PATZ1: variants seen among roughly 807,000 people sequenced by gnomAD.
The protein encoded by PATZ1 is POZ-, AT hook-, and zinc finger-containing protein 1.
PATZ1 carries 9 observed loss-of-function variants against 46.2 expected under a neutral mutation model. The ratio of observed to expected loss-of-function variants is 0.19; its 90% CI spans 0.12 to 0.34. The LOEUF (loss-of-function observed/expected upper bound fraction) is 0.34. PATZ1 is among the 10% of genes least tolerant of loss of function. The pLI, the probability that PATZ1 is intolerant of heterozygous loss-of-function variation, is 1.00. For missense variants in PATZ1, 632 were observed against 923.0 expected, an observed-to-expected ratio of 0.68 and a Z score of 4.08; for synonymous variants, 426 against 378.6, an observed-to-expected ratio of 1.13 and a Z score of -1.45.
intron 1 of PATZ1, chr22:31,343,590 A>C (rs1307179605): frequency 1.1e-5 from 3 of 261,982 alleles, no homozygotes; most frequent in African/African-American, 2.3e-5. Context: ...ATCCAGGTTA[A>C]AACCGGCCTT....
Position 31,335,706 on chromosome 22 carries a change from C to T in PATZ1, c.1493G>A (p.Ser498Asn). 3 of 1,614,112 alleles carry T rather than the reference C, an allele frequency of 1.9e-6. No homozygotes were observed. The highest frequency in any genetic ancestry group is 2.5e-6 in the Non-Finnish European group (3 of 1,179,990). Residue 498 changes from serine (S) to asparagine (N), a missense_variant, in exon 3 of 5, where the codon AGT becomes AAT. Ser to Asn is a conservative substitution (Grantham distance 46, BLOSUM62 1). This residue lies in a region of PATZ1 where 176 missense variants were observed against 249.4 expected (regional missense o/e 0.71). Transcript: ENST00000266269. ...GGGCAGATTACCTCGGTTACAGATA[C>T]TGCAGAAGTTGCTGGGCCCCTCGCT... ...KHSEGPSNFC[S>N]ICNRGFSSAS...
chr22:31,338,900 T>A (rs2049545729), intron 2 of PATZ1, among the ~76,000 whole-genome samples: 1 of 152,010 alleles, frequency 6.6e-6, no homozygotes, highest in African/African-American at 2.4e-5. Context: ...TACAAAAAAA[T>A]TAGCTGGGCA....
Position 31,327,449 on chromosome 22 carries a change from G to A in PATZ1, c.1646-140C>T. On this transcript the variant is annotated intron_variant, in intron 4 of 4. Transcript: ENST00000266269. The surrounding 1 kb of genome is among the most constrained non-coding windows in gnomAD (Gnocchi z 4.2). ...CACTGCCCTGGCAGAACCCACGGAGGGTCAGCTGGTCAGTCTGGGAGCCTG... is the reference window on the plus strand; with the variant it reads ...CACTGCCCTGGCAGAACCCACGGAGAGTCAGCTGGTCAGTCTGGGAGCCTG... The A allele has an allele frequency of 2.9e-6, 2 of 684,420 alleles. No homozygotes were observed. The highest frequency in any genetic ancestry group is 4.9e-6 in the Non-Finnish European group (2 of 410,384). The allele number at this position is 684,420 out of a possible 1,614,324, so 42.4% of individuals were successfully genotyped here.
intron 1 of PATZ1, among the ~76,000 whole-genome samples, chr22:31,343,999 C>T (rs1478443343): frequency 1.3e-5 from 2 of 152,202 alleles, no homozygotes; most frequent in African/African-American, 2.4e-5. Context: ...GTCTCCCGCC[C>T]CCAGAGGGGG....
chr22:31,340,634 G>C (rs1417453528), intron 2 of PATZ1: 1 of 989,286 alleles, frequency 1.0e-6, no homozygotes, highest in Non-Finnish European at 1.2e-6. Context: ...AGTGATGTCA[G>C]TGTTATGACA....
chr22:31,345,268 T>C lies in PATZ1; in HGVS notation c.335A>G (p.Lys112Arg). 6.2e-7 allele frequency: 1 copy of C among 1,612,936 alleles called. No individual in the cohort carries two copies. The highest frequency in any genetic ancestry group is 2.2e-5 in the East Asian group (1 of 44,846). Residue 112 changes from lysine (K) to arginine (R), a missense_variant, in exon 1 of 5, where the codon AAG becomes AGG. Physicochemically the swap from Lys to Arg is conservative, Grantham distance 26. Around this residue, in one of 7 missense-constraint regions of PATZ1, gnomAD observed 62 missense variants for 67.9 expected, o/e 0.91. Coordinates refer to ENST00000266269, the MANE Select transcript of PATZ1 (RefSeq NM_014323.3). The surrounding 1 kb of genome is among the most constrained non-coding windows in gnomAD (Gnocchi z 7.4). Reference protein sequence around the residue: ...RELEMHTISSKVFGDILDFAY... With the variant: ...RELEMHTISSRVFGDILDFAY... ...GAAGTCCAGAATGTCCCCAAATACC[T>C]TGGAGCTGATAGTGTGCATCTCCAG... is the stretch of plus-strand genomic sequence containing the variant.
At position 31,328,026 on chromosome 22, in the gene PATZ1, G is replaced by A. The variant is rs1223552808; in HGVS notation, c.1646-717C>T. On this transcript the variant is annotated intron_variant, in intron 4 of 4. Transcript: ENST00000266269. The surrounding 1 kb of genome is among the most constrained non-coding windows in gnomAD (Gnocchi z 4.8). ...TGCTCTGCCTTGCCCGGCCCACACTGGAGTCCTCCACCAATCAGCAGCTTC... is the reference window on the plus strand; with the variant it reads ...TGCTCTGCCTTGCCCGGCCCACACTAGAGTCCTCCACCAATCAGCAGCTTC... Among the ~76,000 whole-genome samples, 1 of 152,174 alleles carries A rather than the reference G, an allele frequency of 6.6e-6. No homozygotes were observed. Among genetic ancestry groups the A allele is most frequent in the Non-Finnish European group, 1.5e-5 (1 of 68,030 alleles).
Position 31,328,842 on chromosome 22 carries a change from C to CG in PATZ1, c.1589_1590insC (p.Glu530AspfsTer31), listed in dbSNP as rs1569023395. ...ACGCTGCTCCCCCATTCAGGATGGG[C>CG]TCCTGGTGCCTGGAGACCTGGGGAA... is the stretch of plus-strand genomic sequence containing the variant. On this transcript the variant is annotated frameshift_variant, in exon 4 of 5. Coordinates refer to ENST00000266269, the MANE Select transcript of PATZ1 (RefSeq NM_014323.3). LOFTEE classifies it high-confidence loss of function. The surrounding 1 kb of genome is among the most constrained non-coding windows in gnomAD (Gnocchi z 4.8). 10 of 1,613,610 alleles carry CG rather than the reference C, an allele frequency of 6.2e-6. No individual in the cohort carries two copies. The South Asian group carries it at 1.1e-4, about 18-fold the overall frequency.
In PATZ1 at chr22:31,345,392, T is replaced by C; in HGVS notation, c.211A>G (p.Ser71Gly). The stretch of plus-strand genomic sequence containing the variant: ...GCTCCGCCGTCGCCCAACTGGGCGC[T>C]GAACACCGACTCAAAGTACTCGCTG... ...ACSEYFESVFSAQLGDGGAAD... is the reference protein window; with the variant it reads ...ACSEYFESVFGAQLGDGGAAD... Residue 71 changes from serine to glycine, a missense_variant, in exon 1 of 5, where the codon AGC becomes GGC. By Grantham distance (56) the Ser-to-Gly change is moderately conservative. Coordinates refer to ENST00000266269, the MANE Select transcript of PATZ1 (RefSeq NM_014323.3). The surrounding 1 kb of genome is among the most constrained non-coding windows in gnomAD (Gnocchi z 7.4). 6.2e-7 allele frequency: 1 copy of C among 1,610,228 alleles called. No individual in the cohort carries two copies. Among genetic ancestry groups the C allele is most frequent in the African/African-American group, 1.3e-5 (1 of 74,972 alleles).
rs1460108652 is a variant in PATZ1 at position 31,344,697 on chromosome 22, A to G, written c.906T>C (p.Thr302=). The G allele has an allele frequency of 1.9e-6, 3 of 1,613,700 alleles. No individual in the cohort carries two copies. The African/African-American group carries it at 4.0e-5, about 22-fold the overall frequency. ...CGTGCTGCCGGAGCCGGTTGGCATC[A>G]GTGAACACCTTACCACATAGACCGC... ...LPCGLCGKVF[T]DANRLRQHEA... Residue 302 remains threonine, a synonymous_variant, in exon 1 of 5, where the codon ACT becomes ACC. Coordinates refer to ENST00000266269, the MANE Select transcript of PATZ1 (RefSeq NM_014323.3).
intron 1 of PATZ1, 98 bp downstream of exon 1, chr22:31,344,234 A>G: frequency 8.8e-7 from 1 of 1,134,998 alleles, no homozygotes; most frequent in Non-Finnish European, 1.3e-6. Flanking sequence ...TATAAGGTCA[A>G]ATGACCCCCA....
At chr22:31,337,431 C>T (rs913004469) in intron 2 of PATZ1, among the ~76,000 whole-genome samples, 2 of 152,202 alleles carry the variant, frequency 1.3e-5, no homozygotes, top group African/African-American at 4.8e-5. Context: ...GGTTGGCAGG[C>T]ACTTCCTGTA....
intron 1 of PATZ1, chr22:31,343,362 C>A: frequency 2.0e-6 from 2 of 989,240 alleles, no homozygotes; most frequent in South Asian, 9.2e-5. Flanking sequence ...CAATCCCCTC[C>A]CCCAGCCTCT....
At position 31,344,448 on chromosome 22, in the gene PATZ1, G is replaced by A. The variant is rs374623748; in HGVS notation, c.1155C>T (p.Cys385=). 3 of 1,614,188 alleles carry A rather than the reference G, an allele frequency of 1.9e-6. No homozygotes were observed. The South Asian group carries it at 3.3e-5, about 18-fold the overall frequency. Residue 385 remains cysteine, a synonymous_variant, in exon 1 of 5, where the codon TGC becomes TGT. Coordinates refer to ENST00000266269, the MANE Select transcript of PATZ1 (RefSeq NM_014323.3). ...LSHSGEKPYS[C]PVCGLRFKRK... ...TCTTGAACCGCAACCCACACACAGG[G>A]CAGGAGTAGGGCTTCTCCCCAGAGT...
In PATZ1 at chr22:31,340,697, T is replaced by TC. The variant is rs543081203; in HGVS notation, c.1335+2199dup. The TC allele has an allele frequency of 3.8e-5, 39 of 1,034,006 alleles. No homozygotes were observed. In the East Asian group the frequency reaches 2.1e-3, roughly 55 times the overall value. The allele number at this position is 1,034,006 out of a possible 1,614,324, so 64.1% of individuals were successfully genotyped here. ...TCAAATGTTAGAATGAAAAATTTTA[T>TC]CATCACTCCTGTTCACCCCGCAGAG... On this transcript the variant is annotated intron_variant, in intron 2 of 4. Transcript: ENST00000266269.
chr22:31,333,203 G>C (rs776114553), intron 3 of PATZ1, among the ~76,000 whole-genome samples: 2 of 152,204 alleles, frequency 1.3e-5, no homozygotes, highest in Non-Finnish European at 2.9e-5. Flanking sequence ...GAAAAAGACA[G>C]ATCTATAGGT....
In PATZ1 at chr22:31,344,894, T is replaced by C. The variant is rs759798320; in HGVS notation, c.709A>G (p.Met237Val). 9.9e-6 allele frequency: 16 copies of C among 1,613,252 alleles called. No homozygotes were observed. Among genetic ancestry groups the C allele is most frequent in the Non-Finnish European group, 1.2e-5 (14 of 1,179,994 alleles). ...PVLPGVDRLP[M>V]VAGPLSPQLL... ...TGGGGGGATAGGGGTCCAGCCACCA[T>C]GGGCAAGCGGTCCACCCCAGGTAAC... The change falls in exon 1 of 5, where the codon ATG (methionine) becomes GTG (valine). Residue 237 changes from methionine to valine, a missense_variant. This residue lies in a region of PATZ1 where 279 missense variants were observed against 284.3 expected (regional missense o/e 0.98). Transcript: ENST00000266269.
rs763982180 is a variant in PATZ1, at chr22:31,344,604, C to T, written c.999G>A (p.Glu333=). The T allele has an allele frequency of 2.5e-6, 4 of 1,614,180 alleles. No homozygotes were observed. In the Admixed American group the frequency reaches 6.7e-5, roughly 27 times the overall value. ...GGTCTTCAGAGATGGGTAGCCCATT[C>T]TCACCCAGCCTCGGAGGAGGAAGGT... ...YIDLPPPRLG[E]NGLPISEDPD... Residue 333 remains glutamate, a synonymous_variant, in exon 1 of 5, where the codon GAG becomes GAA. Transcript: ENST00000266269.
intron 3 of PATZ1, among the ~76,000 whole-genome samples, chr22:31,331,386 C>T (rs1179942145): frequency 2.7e-5 from 4 of 149,320 alleles, no homozygotes; most frequent in African/African-American, 1.0e-4. Context: ...CTCGCTCAGG[C>T]TGGAGTGCAG....
Sources: allele counts gnomAD v4.1 joint callset (sites outside exome capture counted in the v4.1 genomes callset), GRCh38; gene constraint gnomAD v4.1.1; regional missense constraint gnomAD v4.1.1; non-coding constraint Gnocchi (gnomAD v3.1); transcripts MANE v1.5; gene names NCBI Gene and HGNC (gene_info 2026-07-23, HGNC 2026-07-21).